Variants in CEP85L observed in about 807,000 individuals in gnomAD.
The protein encoded by CEP85L is centrosomal protein of 85 kDa-like.
A neutral mutation model predicts 100.3 loss-of-function variants in CEP85L; 60 were observed. The ratio of observed to expected loss-of-function variants is 0.60; its 90% CI spans 0.49 to 0.74. The LOEUF (loss-of-function observed/expected upper bound fraction) is 0.74, where lower values mean the gene tolerates loss of function less well. Ranked by LOEUF, CEP85L falls within the 30% of genes least tolerant of loss-of-function variation. The pLI is 0.00. For missense variants in CEP85L, 973 were observed against 936.2 expected (o/e 1.04, Z -0.51); for synonymous variants, 319 against 322.7 (o/e 0.99, Z 0.12).
At chr6:118,579,254 A>AT (rs1380908338) in intron 2 of CEP85L, among the ~76,000 whole-genome samples, 1 of 148,142 alleles carries the variant, frequency 6.8e-6, no homozygotes, top group Non-Finnish European at 1.5e-5. Flanking sequence ...CTCTAGCCAG[A>AT]TTACTGCCAA....
chr6:118,650,129 C>T (rs1775448614), intron 1 of CEP85L, among the ~76,000 whole-genome samples: 1 of 152,112 alleles, frequency 6.6e-6, no homozygotes, highest in African/African-American at 2.4e-5. Flanking sequence ...CTAAGTTACA[C>T]AAGTCGAGCT....
intron 2 of CEP85L, among the ~76,000 whole-genome samples, chr6:118,588,607 T>C (rs1299604165): frequency 1.3e-5 from 2 of 152,204 alleles, no homozygotes; most frequent in African/African-American, 4.8e-5. Context: ...CTACAATCCC[T>C]CTTTAATGAA....
At chr6:118,515,196 G>C (rs1430536275) in intron 4 of CEP85L, among the ~76,000 whole-genome samples, 1 of 152,094 alleles carries the variant, frequency 6.6e-6, no homozygotes, top group Non-Finnish European at 1.5e-5. Context: ...AAGACGTCAT[G>C]ACATTTGGGC....
chr6:118,709,462 G>A (rs1310595664), intron 1 of CEP85L, among the ~76,000 whole-genome samples: 2 of 151,340 alleles, frequency 1.3e-5, no homozygotes, highest in East Asian at 1.9e-4. Flanking sequence ...GCCTTTTGGC[G>A]ACAGAGCAGC....
At chr6:118,685,861 T>C (rs1485579437) in intron 1 of CEP85L, among the ~76,000 whole-genome samples, 1 of 152,096 alleles carries the variant, frequency 6.6e-6, no homozygotes, top group Non-Finnish European at 1.5e-5. Flanking sequence ...CAGTTGGCAA[T>C]AGTTACAAAA....
At chr6:118,535,214 C>G (rs1777521602) in intron 3 of CEP85L, among the ~76,000 whole-genome samples, 1 of 152,108 alleles carries the variant, frequency 6.6e-6, no homozygotes, top group Non-Finnish European at 1.5e-5. Flanking sequence ...CAGGCACACA[C>G]ACAAATTTAT....
intron 1 of CEP85L, among the ~76,000 whole-genome samples, chr6:118,636,596 C>A (rs1774508282): frequency 6.6e-6 from 1 of 152,210 alleles, no homozygotes; most frequent in African/African-American, 2.4e-5. Flanking sequence ...GATTGGTCGA[C>A]TGGATAAGGC....
At chr6:118,536,077 C>G (rs1777573286) in intron 3 of CEP85L, among the ~76,000 whole-genome samples, 1 of 151,962 alleles carries the variant, frequency 6.6e-6, no homozygotes, top group Non-Finnish European at 1.5e-5. Context: ...AAGAACTTAT[C>G]ATAATAAAAT....
chr6:118,462,098 G>A lies in CEP85L; in HGVS notation c.*3307C>T, dbSNP rs1772264278. Reference sequence around the variant, plus strand: ...GCTCCTTAGTATATCAGAAATGTATGACATTCATTTTAGCAACACTTTCCA... The same window carrying A: ...GCTCCTTAGTATATCAGAAATGTATAACATTCATTTTAGCAACACTTTCCA... On this transcript the variant is annotated 3_prime_UTR_variant, in exon 13 of 13. Coordinates refer to ENST00000368491, the MANE Select transcript of CEP85L (RefSeq NM_001042475.3). 6.6e-6 allele frequency: 1 copy of A among 151,958 alleles called. No individual in the cohort carries two copies. Among genetic ancestry groups the A allele is most frequent in the African/African-American group, 2.4e-5 (1 of 41,430 alleles). The allele number at this position is 151,958 out of a possible 1,614,324, so 9.4% of individuals were successfully genotyped here. A position where few individuals can be genotyped will look rare whatever the true frequency, so the allele number is the denominator to read the frequency against.
intron 1 of CEP85L, among the ~76,000 whole-genome samples, chr6:118,676,565 C>T (rs148598556): frequency 9.7e-4 from 148 of 152,318 alleles, no homozygotes; most frequent in African/African-American, 3.5e-3. Flanking sequence ...TGCTTATATA[C>T]CACATTTTCA....
Position 118,565,567 on chromosome 6 carries a change from T to A in CEP85L, c.982A>T (p.Ile328Phe). ...YSLAPWQQQQ[I>F]EDFRQGSETP... ...TCACTTCCTTGTCGAAAGTCTTCAATTTGCTGCTGTTGCCAAGGAGCTAAA... is the reference window on the plus strand; with the variant it reads ...TCACTTCCTTGTCGAAAGTCTTCAAATTGCTGCTGTTGCCAAGGAGCTAAA... The change falls in exon 3 of 13, where the codon ATT becomes TTT. Residue 328 changes from isoleucine to phenylalanine, a missense_variant. Physicochemically the swap from Ile to Phe is conservative, Grantham distance 21. Transcript: ENST00000368491. 6.2e-7 allele frequency: 1 copy of A among 1,614,178 alleles called. No homozygotes were observed. The highest frequency in any genetic ancestry group is 8.5e-7 in the Non-Finnish European group (1 of 1,180,022).
At chr6:118,662,218 A>C (rs1334130056) in intron 1 of CEP85L, among the ~76,000 whole-genome samples, 1 of 152,178 alleles carries the variant, frequency 6.6e-6, no homozygotes, top group Non-Finnish European at 1.5e-5. Context: ...TTTCATCTTC[A>C]TAACAACATG....
intron 1 of CEP85L, among the ~76,000 whole-genome samples, chr6:118,698,887 T>C (rs1487106477): frequency 1.3e-5 from 2 of 151,520 alleles, no homozygotes; most frequent in Non-Finnish European, 2.9e-5. Context: ...CCCCTGAGCT[T>C]TCACAAAGTC....
At chr6:118,658,162 A>G (rs1412372829) in intron 1 of CEP85L, among the ~76,000 whole-genome samples, 1 of 152,222 alleles carries the variant, frequency 6.6e-6, no homozygotes, top group Non-Finnish European at 1.5e-5. Context: ...TAATAAACTC[A>G]GAAAAACAGA....
chr6:118,505,409 C>CAAAAAAAAAAAAAAAAAAAAAAAAA (rs56893664), intron 5 of CEP85L, among the ~76,000 whole-genome samples: 2 of 71,834 alleles, frequency 2.8e-5, no homozygotes, highest in Admixed American at 1.4e-4. Context: ...TCACTGTACT[C>CAAAAAAAAAAAAAAAAAAAAAAAAA]AAAAAAAAAA....
At chr6:118,470,919 C>T (rs1772905113) in intron 10 of CEP85L, among the ~76,000 whole-genome samples, 1 of 152,034 alleles carries the variant, frequency 6.6e-6, no homozygotes, top group African/African-American at 2.4e-5. Flanking sequence ...TTGTATAAAA[C>T]ATGTCAAATC....
rs1772414251 is a variant in CEP85L at position 118,464,995 on chromosome 6, C to T, written c.*410G>A. ...GCCTTTCTCAGAAGCTCTGCTCTGA[C>T]CCTAGAAACCCTTATAAATTTGTGA... On this transcript the variant is annotated 3_prime_UTR_variant, in exon 13 of 13. Transcript: ENST00000368491. 1 of 154,824 alleles carries T rather than the reference C, an allele frequency of 6.5e-6. No homozygotes were observed. The highest frequency in any genetic ancestry group is 1.9e-4 in the East Asian group (1 of 5,244). The allele number at this position is 154,824 out of a possible 1,614,324, so 9.6% of individuals were successfully genotyped here.
intron 10 of CEP85L, among the ~76,000 whole-genome samples, chr6:118,478,251 TAGAAAA>T (rs1158045314): frequency 2.0e-5 from 3 of 152,112 alleles, no homozygotes; most frequent in African/African-American, 7.2e-5. Context: ...ATATGCCTTT[TAGAAAA>T]AGGTCACCAA....
chr6:118,486,002 G>C (rs1410014134), intron 6 of CEP85L, among the ~76,000 whole-genome samples: 1 of 152,064 alleles, frequency 6.6e-6, no homozygotes, highest in Non-Finnish European at 1.5e-5. Context: ...TTTTCTTTTG[G>C]TTGTCCAACT....
Sources: allele counts gnomAD v4.1 joint callset (sites outside exome capture counted in the v4.1 genomes callset), GRCh38; gene constraint gnomAD v4.1.1; transcripts MANE v1.5; gene names NCBI Gene and HGNC (gene_info 2026-07-23, HGNC 2026-07-21).